Variants in MRPL3 observed in about 807,000 individuals in gnomAD.
The protein encoded by MRPL3 is mitochondrial ribosomal protein L3, also known as large ribosomal subunit protein uL3m.
In MRPL3, 43 loss-of-function variants were observed where a neutral mutation model predicts 44.3. The ratio of observed to expected loss-of-function variants is 0.97; its 90% CI spans 0.76 to 1.25. The LOEUF (loss-of-function observed/expected upper bound fraction) is 1.25, where lower values mean the gene tolerates loss of function less well. Among genes scored for constraint, MRPL3 ranks in the 50% most tolerant of loss-of-function variants. The pLI is 0.00. For synonymous variants in MRPL3, 171 were observed against 152.3 expected (o/e 1.12, Z -0.91); for missense variants, 406 against 427.6 (o/e 0.95, Z 0.45).
At chr3:131,487,933 A>C (rs1424115126) in intron 5 of MRPL3, among the ~76,000 whole-genome samples, 193 bp from the exon 6 acceptor site, 2 of 152,198 alleles carry the variant, frequency 1.3e-5, no homozygotes, top group Non-Finnish European at 2.9e-5. Flanking sequence ...ACAGAGACCA[A>C]AAGTGGTGCT....
At chr3:131,489,848 G>T in intron 5 of MRPL3, 133 bp downstream of exon 5, 6 of 483,572 alleles carry the variant, frequency 1.2e-5, no homozygotes, top group Non-Finnish European at 2.2e-5. Flanking sequence ...AACAAAATGA[G>T]ATACAGTTTT....
At position 131,478,481 on chromosome 3, in the gene MRPL3, T is replaced by G. The variant is rs182559737; in HGVS notation, c.630-7202A>C. On this transcript the variant is annotated intron_variant, in intron 6 of 9. Coordinates refer to ENST00000264995, the MANE Select transcript of MRPL3 (RefSeq NM_007208.4). ...CTAGTAATATTTTTAGCTTAGAATA[T>G]ATAAGGTTTTTTATAACTGGATCCA... 5.9e-5 allele frequency among the ~76,000 whole-genome samples: 9 copies of G among 152,230 alleles called. No individual in the cohort carries two copies. In the East Asian group the frequency reaches 1.7e-3, roughly 29 times the overall value.
intron 6 of MRPL3, among the ~76,000 whole-genome samples, chr3:131,485,609 G>A (rs552693427): frequency 6.6e-6 from 1 of 152,112 alleles, no homozygotes; most frequent in South Asian, 2.1e-4. Context: ...GATTTCAGGG[G>A]TTCTTGTAAC....
chr3:131,498,122 T>C, intron 4 of MRPL3, 57 bp downstream of exon 4: 1 of 1,183,680 alleles, frequency 8.4e-7, no homozygotes, highest in Non-Finnish European at 1.3e-6. Context: ...CATAAACTCA[T>C]CCAGATTTGA....
Position 131,462,622 on chromosome 3 carries a change from G to T in MRPL3, c.*101C>A. 3 of 1,153,060 alleles carry T rather than the reference G, an allele frequency of 2.6e-6. No homozygotes were observed. The highest frequency in any genetic ancestry group is 2.5e-5 in the East Asian group (1 of 40,340). 71.4% of individuals were successfully genotyped at this position (1,153,060 alleles called of 1,614,324 possible). A position where few individuals can be genotyped will look rare whatever the true frequency, so the allele number is the denominator to read the frequency against. On this transcript the variant is annotated 3_prime_UTR_variant, in exon 10 of 10. Coordinates refer to ENST00000264995, the MANE Select transcript of MRPL3 (RefSeq NM_007208.4). Reference sequence around the variant, plus strand: ...TGACAAAGATGACATGTGTGATTTTGTTGTGACTAAGAAAGGAGAGTATGA... The same window carrying T: ...TGACAAAGATGACATGTGTGATTTTTTTGTGACTAAGAAAGGAGAGTATGA...
At chr3:131,473,908 A>T (rs1933795714) in intron 6 of MRPL3, among the ~76,000 whole-genome samples, 1 of 152,130 alleles carries the variant, frequency 6.6e-6, no homozygotes, top group Non-Finnish European at 1.5e-5. Flanking sequence ...ACAAAAGAAA[A>T]CAAGCGTTGG....
chr3:131,474,422 G>C (rs961131045), intron 6 of MRPL3, among the ~76,000 whole-genome samples: 1 of 152,132 alleles, frequency 6.6e-6, no homozygotes, highest in Non-Finnish European at 1.5e-5. Context: ...GAGGAGGATG[G>C]GGAGAGGTTG....
At position 131,468,110 on chromosome 3, in the gene MRPL3, T is replaced by G. The variant is rs1194652871; in HGVS notation, c.875A>C (p.His292Pro). The change falls in exon 9 of 10, where the codon CAT becomes CCT. Residue 292 changes from histidine to proline, a missense_variant. Transcript: ENST00000264995. ...IIYVNGSVPG[H>P]KNCLVKVKDS... ...ACTTACCTTTACTAAGCAATTTTTATGTCCAGGTACAGAGCCATTTACATA... is the reference window on the plus strand; with the variant it reads ...ACTTACCTTTACTAAGCAATTTTTAGGTCCAGGTACAGAGCCATTTACATA... 1 of 1,571,814 alleles carries G rather than the reference T, an allele frequency of 6.4e-7. No homozygotes were observed. Among genetic ancestry groups the G allele is most frequent in the Non-Finnish European group, 8.6e-7 (1 of 1,162,750 alleles).
intron 6 of MRPL3, among the ~76,000 whole-genome samples, chr3:131,474,749 T>C (rs1933817387): frequency 6.6e-6 from 1 of 150,768 alleles, no homozygotes; most frequent in South Asian, 2.1e-4. Flanking sequence ...ATTCTCAGAC[T>C]GTACTAGACT....
chr3:131,465,365 T>C (rs1933577339), intron 9 of MRPL3, among the ~76,000 whole-genome samples: 1 of 152,206 alleles, frequency 6.6e-6, no homozygotes, highest in African/African-American at 2.4e-5. Context: ...GGTTATCAAC[T>C]ATTTATACAA....
At chr3:131,481,686 A>G (rs957385537) in intron 6 of MRPL3, among the ~76,000 whole-genome samples, 5 of 152,168 alleles carry the variant, frequency 3.3e-5, no homozygotes, top group Non-Finnish European at 7.4e-5. Flanking sequence ...ACAACTAAAT[A>G]TAACCCCAAC....
At chr3:131,481,804 T>C (rs939279067) in intron 6 of MRPL3, among the ~76,000 whole-genome samples, 1 of 152,258 alleles carries the variant, frequency 6.6e-6, no homozygotes, top group African/African-American at 2.4e-5. Flanking sequence ...GTTTCACTAA[T>C]ACGTTAAAAA....
chr3:131,486,533 G>C (rs555167689), intron 6 of MRPL3, among the ~76,000 whole-genome samples: 4 of 151,544 alleles, frequency 2.6e-5, no homozygotes, highest in Non-Finnish European at 5.9e-5. Context: ...TGCCATGCTG[G>C]TGCGCTGGAA....
intron 6 of MRPL3, among the ~76,000 whole-genome samples, chr3:131,478,252 C>T (rs773672517): frequency 6.6e-6 from 1 of 152,136 alleles, no homozygotes; most frequent in African/African-American, 2.4e-5. Flanking sequence ...AAGAATTTTG[C>T]CATGATCCCA....
At chr3:131,486,388 A>C (rs1255288833) in intron 6 of MRPL3, among the ~76,000 whole-genome samples, 7 of 148,712 alleles carry the variant, frequency 4.7e-5, no homozygotes, top group East Asian at 1.9e-4. Flanking sequence ...AAAAAAAAAA[A>C]AAACCAAAAA....
chr3:131,482,412 G>A (rs1201331288), intron 6 of MRPL3, among the ~76,000 whole-genome samples: 3 of 152,048 alleles, frequency 2.0e-5, no homozygotes, highest in Non-Finnish European at 2.9e-5. Flanking sequence ...CTACTCGGGA[G>A]GCTGAGGCAG....
At chr3:131,498,487 A>T (rs1934419277) in intron 3 of MRPL3, among the ~76,000 whole-genome samples, 1 of 151,660 alleles carries the variant, frequency 6.6e-6, no homozygotes, top group Non-Finnish European at 1.5e-5. Flanking sequence ...CAGCTCATGA[A>T]GTCAGGAGAT....
intron 6 of MRPL3, among the ~76,000 whole-genome samples, chr3:131,474,032 A>G (rs1346915715): frequency 6.6e-6 from 1 of 152,172 alleles, no homozygotes; most frequent in Non-Finnish European, 1.5e-5. Flanking sequence ...TGACGACCAT[A>G]TGATCCAGCA....
intron 6 of MRPL3, among the ~76,000 whole-genome samples, chr3:131,480,139 A>G (rs1309361624): frequency 6.6e-6 from 1 of 152,270 alleles, no homozygotes; most frequent in East Asian, 1.9e-4. Flanking sequence ...ATATGGCACA[A>G]ACATTTTAAT....
Sources: allele counts gnomAD v4.1 joint callset (sites outside exome capture counted in the v4.1 genomes callset), GRCh38; gene constraint gnomAD v4.1.1; transcripts MANE v1.5; gene names NCBI Gene and HGNC (gene_info 2026-07-23, HGNC 2026-07-21).